C9: variants seen among roughly 807,000 people sequenced by gnomAD.
C9 encodes complement component C9.
C9 carries 63 observed loss-of-function variants against 65.4 expected under a neutral mutation model. That is an observed-to-expected ratio of 0.96 (90% CI 0.79 to 1.19). C9 has a LOEUF of 1.19. Ranked by LOEUF, C9 falls within the 50% of genes most tolerant of loss-of-function variation. The pLI is 0.00. For synonymous variants in C9, 229 were observed against 227.9 expected (o/e 1.00, Z -0.04); for missense variants, 744 against 670.1 (o/e 1.11, Z -1.22).
At chr5:39,349,836 CT>C (rs1376280008) in intron 1 of C9, among the ~76,000 whole-genome samples, 1 of 152,300 alleles carries the variant, frequency 6.6e-6, no homozygotes, top group East Asian at 1.9e-4. Flanking sequence ...TACTCCTACT[CT>C]TTTATGCAGG....
rs1206868542 is a variant in C9 at position 39,306,792 on chromosome 5, A to C, written c.1241T>G (p.Val414Gly). 1 of 1,606,364 alleles carries C rather than the reference A, an allele frequency of 6.2e-7. No individual in the cohort carries two copies. The highest frequency in any genetic ancestry group is 1.3e-5 in the African/African-American group (1 of 74,748). Residue 414 changes from valine (V) to glycine (G), a missense_variant and splice_region_variant, in exon 9 of 11, where the codon GTA becomes GGA. Transcript: ENST00000263408. Reference sequence around the variant, plus strand: ...TATGAGGTTTTCACTGGTGATGTTTACTGAGGAGAGAAGGAAGATTTAAAG... The same window carrying C: ...TATGAGGTTTTCACTGGTGATGTTTCCTGAGGAGAGAAGGAAGATTTAAAG... ...DCVKRGEGRAVNITSENLIDD... is the reference protein window; with the variant it reads ...DCVKRGEGRAGNITSENLIDD...
intron 1 of C9, among the ~76,000 whole-genome samples, chr5:39,350,594 T>A (rs1317880780): frequency 6.6e-6 from 1 of 152,030 alleles, no homozygotes; most frequent in Non-Finnish European, 1.5e-5. Flanking sequence ...AAAAGAGAAA[T>A]CAGCCAAGAG....
chr5:39,306,586 T>G, intron 9 of C9, 31 bp downstream of exon 9: 2 of 1,545,858 alleles, frequency 1.3e-6, no homozygotes, highest in Non-Finnish European at 8.9e-7. Context: ...AATGACACAG[T>G]CTTCTGTTTG....
At position 39,311,074 on chromosome 5, in the gene C9, G is replaced by A. The variant is rs185552796; in HGVS notation, c.1111+63C>T. 10 of 1,554,878 alleles carry A rather than the reference G, an allele frequency of 6.4e-6. No homozygotes were observed. In the East Asian group the frequency reaches 2.2e-4, roughly 35 times the overall value. ...AAGACTTTAACCATTGAAACAGGTT[G>A]GTGAACAAAATAATGTTTGGTCAAA... is the stretch of plus-strand genomic sequence containing the variant. On this transcript the variant is annotated intron_variant, in intron 7 of 10. Coordinates refer to ENST00000263408, the MANE Select transcript of C9 (RefSeq NM_001737.5).
intron 3 of C9, 59 bp downstream of exon 3, chr5:39,341,497 C>A (rs1223855640): frequency 1.3e-6 from 2 of 1,543,224 alleles, no homozygotes; most frequent in African/African-American, 2.8e-5. Context: ...TTTTTTTTTT[C>A]TTTTCATTCA....
At chr5:39,346,417 C>A (rs1315418295) in intron 1 of C9, among the ~76,000 whole-genome samples, 1 of 152,170 alleles carries the variant, frequency 6.6e-6, no homozygotes, top group Admixed American at 6.5e-5. Context: ...ACTAGAAAAT[C>A]TAGAAGAAAT....
chr5:39,305,502 T>A (rs1272044821), intron 9 of C9, among the ~76,000 whole-genome samples: 1 of 152,006 alleles, frequency 6.6e-6, no homozygotes, highest in Non-Finnish European at 1.5e-5. Context: ...TAGGGAGCAG[T>A]CAAAAATAAA....
At chr5:39,354,411 C>T (rs548942551) in intron 1 of C9, among the ~76,000 whole-genome samples, 9 of 152,308 alleles carry the variant, frequency 5.9e-5, no homozygotes, top group African/African-American at 1.9e-4. Flanking sequence ...TGAGGATTGG[C>T]TCTAGGCATC....
At chr5:39,334,224 G>C (rs867707347) in intron 4 of C9, among the ~76,000 whole-genome samples, 4,076 of 143,980 alleles carry the variant, frequency 0.028, 175 homozygotes, top group African/African-American at 0.098. Context: ...TCTGCCCGGC[G>C]GCCCATCATC....
intron 1 of C9, among the ~76,000 whole-genome samples, chr5:39,349,387 C>G (rs1754276366): frequency 6.6e-6 from 1 of 152,174 alleles, no homozygotes; most frequent in African/African-American, 2.4e-5. Flanking sequence ...ACAAATCATG[C>G]ACCATCCCTG....
rs1389438053 is a variant in C9 at position 39,315,899 on chromosome 5, T to C, written c.746A>G (p.Asn249Ser). Residue 249 changes from asparagine (N) to serine (S), a missense_variant, in exon 6 of 11, where the codon AAT (asparagine) becomes AGT (serine). Coordinates refer to ENST00000263408, the MANE Select transcript of C9 (RefSeq NM_001737.5). ...TTCCTCACAACATTGTTCAGCTTTA[T>C]TTGTTTCAGTGGGTGTAAATTTTAG... ...ISLKFTPTET[N>S]KAEQCCEETA... The C allele has an allele frequency of 4.3e-6, 7 of 1,613,346 alleles. No homozygotes were observed. Among genetic ancestry groups the C allele is most frequent in the Middle Eastern group, 3.3e-4 (2 of 6,080 alleles).
intron 4 of C9, among the ~76,000 whole-genome samples, chr5:39,339,945 C>T (rs1000349677): frequency 2.0e-5 from 3 of 152,066 alleles, no homozygotes; most frequent in Admixed American, 1.3e-4. Flanking sequence ...AGGCGTGACC[C>T]GCCGCAGATA....
intron 9 of C9, among the ~76,000 whole-genome samples, chr5:39,295,963 GA>G (rs1424521430): frequency 6.6e-6 from 1 of 151,654 alleles, no homozygotes; most frequent in Non-Finnish European, 1.5e-5. Flanking sequence ...ATTGTGCTAG[GA>G]AAAACTGATT....
chr5:39,337,619 C>G (rs1753994100), intron 4 of C9, among the ~76,000 whole-genome samples: 1 of 152,264 alleles, frequency 6.6e-6, no homozygotes, highest in Non-Finnish European at 1.5e-5. Context: ...AGAGAAAGCT[C>G]CCTTCACAGA....
rs570867335 is a variant in C9 at position 39,291,655 on chromosome 5, G to A, written c.1417-2704C>T. ...AAAAAAACAAAACCCAAAGACAATG[G>A]AGAAAATCTTAAAAACAGTTTAGTA... On this transcript the variant is annotated intron_variant, in intron 9 of 10. Coordinates refer to ENST00000263408, the MANE Select transcript of C9 (RefSeq NM_001737.5). Among the ~76,000 whole-genome samples, 11 of 151,744 alleles carry A rather than the reference G, an allele frequency of 7.2e-5. No homozygotes were observed. In the South Asian group the frequency reaches 2.1e-3, roughly 29 times the overall value.
At chr5:39,362,368 A>G (rs1428857240) in intron 1 of C9, among the ~76,000 whole-genome samples, 3 of 152,196 alleles carry the variant, frequency 2.0e-5, no homozygotes, top group African/African-American at 7.2e-5. Context: ...TGGCCATGTG[A>G]TGATAGACAC....
At chr5:39,327,268 T>C (rs1295806123) in intron 5 of C9, among the ~76,000 whole-genome samples, 1 of 152,126 alleles carries the variant, frequency 6.6e-6, no homozygotes, top group Non-Finnish European at 1.5e-5. Flanking sequence ...AGGAGAATGA[T>C]CAGATTTATT....
rs763548850 is a variant in C9, at chr5:39,306,762, T to A, written c.1271A>T (p.Asp424Val). ...TCCACCTCTTATGAGTGAAACAACA[T>A]CATCTATGAGGTTTTCACTGGTGAT... ...VNITSENLID[D>V]VVSLIRGGTR... The change falls in exon 9 of 11, where the codon GAT (aspartate) becomes GTT (valine). Residue 424 changes from aspartate (D) to valine (V), a missense_variant. Asp to Val is a radical substitution (Grantham distance 152). Coordinates refer to ENST00000263408, the MANE Select transcript of C9 (RefSeq NM_001737.5). 1 of 1,612,454 alleles carries A rather than the reference T, an allele frequency of 6.2e-7. No individual in the cohort carries two copies. Among genetic ancestry groups the A allele is most frequent in the Non-Finnish European group, 8.5e-7 (1 of 1,178,646 alleles).
chr5:39,343,537 T>TG (rs1754131401), intron 1 of C9, among the ~76,000 whole-genome samples: 1 of 152,194 alleles, frequency 6.6e-6, no homozygotes. Flanking sequence ...AAGCTCGAAC[T>TG]GGGTGGAGCC....
Sources: gnomAD v4.1 joint callset for allele counts (sites outside exome capture counted in the v4.1 genomes callset) on GRCh38, gnomAD v4.1.1 for gene constraint, MANE v1.5 for transcripts, NCBI Gene and HGNC (gene_info 2026-07-23, HGNC 2026-07-21) for gene names.